CNST: variants seen among roughly 807,000 people sequenced by gnomAD.
CNST encodes consortin.
In CNST, 39 loss-of-function variants were observed where a neutral mutation model predicts 72.4. The observed-to-expected ratio is 0.54, with a 90% CI of 0.42 to 0.70. The LOEUF is 0.70. Among genes scored for constraint, CNST ranks in the 30% least tolerant of loss-of-function variants. The probability of loss-of-function intolerance (pLI) is 0.00; values close to 1 mark genes in which losing one functional copy is unlikely to be tolerated. For missense variants in CNST, 871 were observed against 868.5 expected, an observed-to-expected ratio of 1.00 and a Z score of -0.04; for synonymous variants, 332 against 320.1, an observed-to-expected ratio of 1.04 and a Z score of -0.40.
chr1:246,604,138 C>T (rs566370781), intron 2 of CNST, among the ~76,000 whole-genome samples: 4 of 152,164 alleles, frequency 2.6e-5, no homozygotes, highest in East Asian at 1.9e-4. Context: ...CCACCCTGCC[C>T]GGCTACTGGA....
chr1:246,594,614 C>T (rs571028250), intron 2 of CNST, among the ~76,000 whole-genome samples: 13 of 152,056 alleles, frequency 8.5e-5, no homozygotes, highest in Admixed American at 4.6e-4. Flanking sequence ...TAAAAAAATA[C>T]AAAAATTAGC....
chr1:246,648,262 C>T, intron 9 of CNST: 2 of 1,289,866 alleles, frequency 1.6e-6, no homozygotes, highest in Non-Finnish European at 2.0e-6. Flanking sequence ...CTATTGCATG[C>T]CTCCAGCTAG....
At chr1:246,629,664 T>C (rs1664651424) in intron 3 of CNST, among the ~76,000 whole-genome samples, 1 of 152,214 alleles carries the variant, frequency 6.6e-6, no homozygotes, top group Non-Finnish European at 1.5e-5. Context: ...CTATATCTCA[T>C]ACCATATATA....
At chr1:246,630,612 A>G (rs1664717237) in intron 3 of CNST, among the ~76,000 whole-genome samples, 1 of 152,172 alleles carries the variant, frequency 6.6e-6, no homozygotes. Flanking sequence ...TTTTATTGCT[A>G]GCTTATAGGT....
intron 10 of CNST, among the ~76,000 whole-genome samples, chr1:246,664,698 T>C (rs1028150955): frequency 4.6e-5 from 7 of 152,124 alleles, no homozygotes; most frequent in Non-Finnish European, 8.8e-5. Context: ...AGTGCTGGGA[T>C]TACAGGCGTG....
intron 1 of CNST, among the ~76,000 whole-genome samples, chr1:246,580,901 C>T (rs1447673151): frequency 2.0e-5 from 3 of 151,996 alleles, no homozygotes; most frequent in Non-Finnish European, 2.9e-5. Flanking sequence ...CCACCACACC[C>T]GGCTAATTTT....
chr1:246,640,025 C>T (rs931897241), intron 6 of CNST, among the ~76,000 whole-genome samples: 4 of 152,170 alleles, frequency 2.6e-5, no homozygotes, highest in Admixed American at 6.5e-5. Context: ...AGTGGCCTTG[C>T]GCCTTGGGAC....
At chr1:246,638,944 A>G (rs989318219) in intron 6 of CNST, among the ~76,000 whole-genome samples, 1 of 152,166 alleles carries the variant, frequency 6.6e-6, no homozygotes, top group Non-Finnish European at 1.5e-5. Context: ...TGGGGCAGAC[A>G]TGAGACTTAG....
chr1:246,634,951 T>TGGTGGGTGTCTTACGGCCGG (rs201316654), intron 6 of CNST, among the ~76,000 whole-genome samples: 1 of 80,622 alleles, frequency 1.2e-5, no homozygotes, highest in African/African-American at 5.2e-5. Context: ...CTATCCTCGG[T>TGGTGGGTGTCTTACGGCCGG]GGTGCGTGTC....
intron 10 of CNST, among the ~76,000 whole-genome samples, chr1:246,664,771 A>C (rs1667319084): frequency 6.6e-6 from 1 of 152,186 alleles, no homozygotes; most frequent in South Asian, 2.1e-4. Context: ...TGTAGGATAA[A>C]TTAATTTTAA....
chr1:246,640,953 C>T (rs1391449359), intron 6 of CNST, among the ~76,000 whole-genome samples: 1 of 152,192 alleles, frequency 6.6e-6, no homozygotes, highest in Non-Finnish European at 1.5e-5. Flanking sequence ...TCCAGCCCTG[C>T]AGAAGGCTCC....
chr1:246,663,742 A>G (rs1157957725), intron 10 of CNST, among the ~76,000 whole-genome samples: 1 of 150,506 alleles, frequency 6.6e-6, no homozygotes, highest in Non-Finnish European at 1.5e-5. Context: ...CTCTGTCTCA[A>G]AAAAAAAAAC....
At chr1:246,576,119 C>T (rs1195283716) in intron 1 of CNST, among the ~76,000 whole-genome samples, 2 of 146,770 alleles carry the variant, frequency 1.4e-5, no homozygotes, top group Non-Finnish European at 3.0e-5. Flanking sequence ...CCTGTAATCC[C>T]AGATACTCTG....
intron 2 of CNST, among the ~76,000 whole-genome samples, chr1:246,614,779 A>G (rs531261891): frequency 6.6e-6 from 1 of 151,988 alleles, no homozygotes; most frequent in Non-Finnish European, 1.5e-5. Flanking sequence ...TGACTGCAAT[A>G]ATTTTTTATT....
chr1:246,659,516 A>T (rs1572255922), intron 9 of CNST, among the ~76,000 whole-genome samples: 1 of 151,576 alleles, frequency 6.6e-6, no homozygotes, highest in Non-Finnish European at 1.5e-5. Context: ...AACGGCATGA[A>T]CCCGGGAGGC....
rs1445915590 is a variant in CNST at position 246,665,900 on chromosome 1, T to G, written c.2173T>G (p.Ser725Ala). 6.2e-7 allele frequency: 1 copy of G among 1,604,950 alleles called. No homozygotes were observed. The highest frequency in any genetic ancestry group is 8.5e-7 in the Non-Finnish European group (1 of 1,172,318). The change falls in exon 11 of 11, where the codon TCC becomes GCC. Residue 725 changes from serine (S) to alanine (A), a missense_variant. Coordinates refer to ENST00000366513, the MANE Select transcript of CNST (RefSeq NM_152609.3). ...AGAACTGAAGCACTGGATCTACCTC[T>G]CCTAGCAGCATTCCAGACACAGACA... ...VAELKHWIYL[S>A]
intron 2 of CNST, chr1:246,607,635 G>C (rs1558552895): frequency 6.6e-6 from 1 of 151,730 alleles, no homozygotes; most frequent in Non-Finnish European, 1.5e-5. Flanking sequence ...TGACGTCACT[G>C]CTACGTGGTA....
chr1:246,638,275 T>G (rs1665431990), intron 6 of CNST, among the ~76,000 whole-genome samples: 1 of 152,144 alleles, frequency 6.6e-6, no homozygotes, highest in Admixed American at 6.5e-5. Context: ...GAGGAAAGAA[T>G]AAGGACAGGG....
At chr1:246,638,886 G>A (rs1003597435) in intron 6 of CNST, among the ~76,000 whole-genome samples, 14 of 152,332 alleles carry the variant, frequency 9.2e-5, no homozygotes, top group African/African-American at 2.6e-4. Flanking sequence ...TGGTTAGCAC[G>A]GTGATTTGGG....
Sources: allele counts gnomAD v4.1 joint callset (sites outside exome capture counted in the v4.1 genomes callset), GRCh38; gene constraint gnomAD v4.1.1; transcripts MANE v1.5; gene names NCBI Gene and HGNC (gene_info 2026-07-23, HGNC 2026-07-21).